The following IKBKB variants were observed in gnomAD, a reference collection of about 807,000 sequenced individuals.
IKBKB encodes inhibitor of nuclear factor kappa B kinase subunit beta, also known as inhibitor of nuclear factor kappa-B kinase subunit beta.
In IKBKB, 42 loss-of-function variants were observed where a neutral mutation model predicts 113.6. The observed-to-expected ratio is 0.37, with a 90% confidence interval of 0.29 to 0.48. The LOEUF (loss-of-function observed/expected upper bound fraction) is 0.48. Among genes scored for constraint, IKBKB ranks in the 20% least tolerant of loss-of-function variants. The pLI is 0.99. For missense variants in IKBKB, 673 were observed against 939.7 expected, an observed-to-expected ratio of 0.72 and a Z score of 3.71; for synonymous variants, 296 against 361.3, an observed-to-expected ratio of 0.82 and a Z score of 2.05.
intron 2 of IKBKB, among the ~76,000 whole-genome samples, chr8:42,275,916 A>G (rs1050558653): frequency 7.9e-5 from 12 of 152,070 alleles, no homozygotes; most frequent in Non-Finnish European, 1.5e-4. Flanking sequence ...ATCTCAGCTC[A>G]CTGCAACCTC....
chr8:42,297,034 T>C (rs1164192433), intron 5 of IKBKB, among the ~76,000 whole-genome samples: 1 of 152,216 alleles, frequency 6.6e-6, no homozygotes, highest in Non-Finnish European at 1.5e-5. Flanking sequence ...GGGCATGACC[T>C]GAGGCTGGAT....
rs201286348 is a variant in IKBKB, at chr8:42,320,840, G to A, written c.1684G>A (p.Asp562Asn). The A allele has an allele frequency of 2.5e-6, 4 of 1,584,902 alleles. No individual in the cohort carries two copies. Residue 562 changes from aspartate (D) to asparagine (N), a missense_variant, in exon 16 of 22, where the codon GAC becomes AAC. Around this residue, in one of 2 missense-constraint regions of IKBKB, gnomAD observed 506 missense variants for 638.7 expected, o/e 0.79. Transcript: ENST00000520810. ...MGRKQGGTLD[D>N]LEEQARELYR... ...CCGGAAGCAGGGGGGAACGCTGGAC[G>A]ACCTGTGAGTACTGGCTGGGGGGCC...
chr8:42,313,383 C>T (rs1182612517), intron 8 of IKBKB, among the ~76,000 whole-genome samples: 3 of 151,922 alleles, frequency 2.0e-5, no homozygotes, highest in Non-Finnish European at 2.9e-5. Flanking sequence ...CCTACAAGGT[C>T]GAGGCTGCAG....
At chr8:42,301,827 C>T (rs1212483421) in intron 5 of IKBKB, among the ~76,000 whole-genome samples, 1 of 152,232 alleles carries the variant, frequency 6.6e-6, no homozygotes, top group Non-Finnish European at 1.5e-5. Context: ...TGCTCCTCCT[C>T]TTCACTGGGG....
In IKBKB at chr8:42,331,193, C is replaced by G. The variant is rs577845678; in HGVS notation, c.*214C>G. ...TCGCTTCCTCAGCAGCTGTGACTTT[C>G]ACCCAGGACCCAGGACGCAGCCCTC... is the stretch of plus-strand genomic sequence containing the variant. On this transcript the variant is annotated 3_prime_UTR_variant, in exon 22 of 22. Coordinates refer to ENST00000520810, the MANE Select transcript of IKBKB (RefSeq NM_001556.3). 14 of 795,848 alleles carry G rather than the reference C, an allele frequency of 1.8e-5. No individual in the cohort carries two copies. In the African/African-American group the frequency reaches 2.2e-4, roughly 13 times the overall value. The allele number at this position is 795,848 out of a possible 1,614,324, so 49.3% of individuals were successfully genotyped here.
chr8:42,307,624 G>A lies in IKBKB; in HGVS notation c.567+1192G>A, dbSNP rs149015356. Among the ~76,000 whole-genome samples, 492 of 152,238 alleles carry A rather than the reference G, an allele frequency of 3.2e-3. 2 individuals are homozygous for A. The highest frequency in any genetic ancestry group is 0.01 in the African/African-American group (423 of 41,544). On this transcript the variant is annotated intron_variant, in intron 7 of 21. Coordinates refer to ENST00000520810, the MANE Select transcript of IKBKB (RefSeq NM_001556.3). ...ATTGGGAGTGACTCAAGGAGTCTGC[G>A]GCTTTCAGAGTGGGTCTCACAGAGG...
In IKBKB at chr8:42,331,225, C is replaced by T. The variant is rs17875738; in HGVS notation, c.*246C>T. The T allele has an allele frequency of 2.9e-3, 2,068 of 720,884 alleles. 31 individuals are homozygous for T. In the African/African-American group the frequency reaches 0.032, roughly 11 times the overall value. The allele number at this position is 720,884 out of a possible 1,614,324, so 44.7% of individuals were successfully genotyped here. On this transcript the variant is annotated 3_prime_UTR_variant, in exon 22 of 22. Transcript: ENST00000520810. ...GACCCAGGACGCAGCCCTCCGTGGG[C>T]ACTGCCGGCGCCTTGTCTGCACACT...
intron 1 of IKBKB, 33 bp downstream of exon 1, chr8:42,271,502 C>T: frequency 3.9e-6 from 3 of 768,930 alleles, no homozygotes; most frequent in South Asian, 3.6e-5. Flanking sequence ...GCCCGGGTGC[C>T]ACCTGCAGGC....
chr8:42,275,136 C>G (rs1417133127), intron 2 of IKBKB, among the ~76,000 whole-genome samples: 1 of 151,562 alleles, frequency 6.6e-6, no homozygotes, highest in East Asian at 1.9e-4. Flanking sequence ...CTCGGCCTCC[C>G]AAAGTACTGG....
rs779346648 is a variant in IKBKB, at chr8:42,305,188, C to G, written c.390C>G (p.Ala130=). 5 of 1,612,398 alleles carry G rather than the reference C, an allele frequency of 3.1e-6. No homozygotes were observed. Among genetic ancestry groups the G allele is most frequent in the Non-Finnish European group, 4.2e-6 (5 of 1,178,562 alleles). Residue 130 remains alanine, a splice_region_variant and synonymous_variant, in exon 6 of 22, where the codon GCC becomes GCG. Transcript: ENST00000520810. ...AAAACTCACCCCCCTCTTCCTCAGC[C>G]TCTGCGCTTAGATACCTTCATGAAA... ...GAILTLLSDI[A]SALRYLHENR...
intron 2 of IKBKB, among the ~76,000 whole-genome samples, chr8:42,276,850 C>T (rs1203459988): frequency 2.0e-5 from 3 of 149,764 alleles, no homozygotes; most frequent in African/African-American, 7.4e-5. Context: ...AGCGCCATCA[C>T]ACCCGGCTAA....
chr8:42,272,034 A>AT lies in IKBKB; in HGVS notation c.-18-42dup, dbSNP rs140676869. Reference sequence around the variant, plus strand: ...TGCCTTCTCCATCCCTTTGAGCTCCATTTTTTTCTTAATCCTAACCTTTTT... The same window carrying AT: ...TGCCTTCTCCATCCCTTTGAGCTCCATTTTTTTTCTTAATCCTAACCTTTTT... On this transcript the variant is annotated intron_variant, in intron 1 of 21. Coordinates refer to ENST00000520810, the MANE Select transcript of IKBKB (RefSeq NM_001556.3). The AT allele has an allele frequency of 0.014, 21,799 of 1,562,330 alleles. 1,605 individuals carry two copies. The African/African-American group carries it at 0.2, about 14-fold the overall frequency.
chr8:42,301,674 A>G (rs1177777511), intron 5 of IKBKB, among the ~76,000 whole-genome samples: 1 of 152,250 alleles, frequency 6.6e-6, no homozygotes, highest in Non-Finnish European at 1.5e-5. Context: ...TTTGTTTTGT[A>G]CAGTTGTTTA....
In IKBKB at chr8:42,331,100, C is replaced by G; in HGVS notation, c.*121C>G. 1 of 1,474,178 alleles carries G rather than the reference C, an allele frequency of 6.8e-7. No homozygotes were observed. The highest frequency in any genetic ancestry group is 9.2e-7 in the Non-Finnish European group (1 of 1,083,370). The allele number at this position is 1,474,178 out of a possible 1,614,324, so 91.3% of individuals were successfully genotyped here. On this transcript the variant is annotated 3_prime_UTR_variant, in exon 22 of 22. Transcript: ENST00000520810. Reference sequence around the variant, plus strand: ...GCCGCGTGACGTGGGGCTGCCTGGCCGCGGCTCTCACATGGTGGTTCCTGC... The same window carrying G: ...GCCGCGTGACGTGGGGCTGCCTGGCGGCGGCTCTCACATGGTGGTTCCTGC...
At chr8:42,285,418 A>C (rs1022791868) in intron 2 of IKBKB, among the ~76,000 whole-genome samples, 3 of 152,112 alleles carry the variant, frequency 2.0e-5, no homozygotes, top group African/African-American at 7.2e-5. Flanking sequence ...TTAGCTGGAC[A>C]CAATGACACA....
chr8:42,279,983 G>GT (rs1341651035), intron 2 of IKBKB, among the ~76,000 whole-genome samples: 1 of 152,070 alleles, frequency 6.6e-6, no homozygotes, highest in Non-Finnish European at 1.5e-5. Flanking sequence ...TGAGTAGCTG[G>GT]GACTACAGGC....
chr8:42,272,054 C>A (rs1460261943), intron 1 of IKBKB, 29 bp from the exon 2 acceptor site: 1 of 1,591,912 alleles, frequency 6.3e-7, no homozygotes, highest in Non-Finnish European at 8.6e-7. Context: ...TAATCCTAAC[C>A]TTTTTTCCCC....
intron 2 of IKBKB, among the ~76,000 whole-genome samples, chr8:42,274,310 G>A (rs1454797363): frequency 1.3e-5 from 2 of 152,156 alleles, no homozygotes; most frequent in Non-Finnish European, 2.9e-5. Context: ...GATTACAAGC[G>A]TGAGCCACTA....
intron 5 of IKBKB, among the ~76,000 whole-genome samples, chr8:42,300,768 T>C (rs902874974): frequency 5.3e-5 from 8 of 152,266 alleles, no homozygotes; most frequent in Admixed American, 3.3e-4. Flanking sequence ...AAGTCTGCCA[T>C]GTGGACCCAT....
Sources: allele counts gnomAD v4.1 joint callset (sites outside exome capture counted in the v4.1 genomes callset), GRCh38; gene constraint gnomAD v4.1.1; regional missense constraint gnomAD v4.1.1; transcripts MANE v1.5; gene names NCBI Gene and HGNC (gene_info 2026-07-23, HGNC 2026-07-21).